Variants in IDE observed in about 807,000 individuals in gnomAD.
The protein encoded by IDE is insulin-degrading enzyme.
Under a neutral mutation model 133.2 loss-of-function variants are expected in IDE, and 58 were observed. The ratio of observed to expected loss-of-function variants is 0.44; its 90% CI spans 0.35 to 0.54. The LOEUF (loss-of-function observed/expected upper bound fraction) is 0.54, where lower values mean the gene tolerates loss of function less well. Ranked by LOEUF, IDE falls within the 20% of genes least tolerant of loss-of-function variation. IDE has a pLI of 0.00. For missense variants in IDE, 981 were observed against 1,234.0 expected, an observed-to-expected ratio of 0.79 and a Z score of 3.07; for synonymous variants, 396 against 421.3, an observed-to-expected ratio of 0.94 and a Z score of 0.73.
intron 17 of IDE, among the ~76,000 whole-genome samples, chr10:92,470,767 A>T (rs1030310774): frequency 6.6e-6 from 1 of 152,128 alleles, no homozygotes; most frequent in African/African-American, 2.4e-5. Context: ...TTTTCTCACA[A>T]TTAGATTTCA....
chr10:92,457,331 C>T (rs930867190), intron 22 of IDE, among the ~76,000 whole-genome samples: 1 of 152,204 alleles, frequency 6.6e-6, no homozygotes, highest in Non-Finnish European at 1.5e-5. Flanking sequence ...TCTCCTATGT[C>T]AGCTCACTTA....
chr10:92,489,667 G>A (rs902032331), intron 12 of IDE, among the ~76,000 whole-genome samples: 2 of 152,170 alleles, frequency 1.3e-5, no homozygotes, highest in Admixed American at 6.5e-5. Context: ...AGTTTAGAGA[G>A]ATGGACATTT....
chr10:92,465,913 T>C (rs1016586232), intron 19 of IDE, 70 bp from the exon 20 acceptor site: 2 of 1,256,370 alleles, frequency 1.6e-6, no homozygotes, highest in South Asian at 1.2e-5. Flanking sequence ...CAATGCTATG[T>C]CTGCCCACAC....
chr10:92,508,623 G>A (rs1848429428), intron 7 of IDE, 105 bp downstream of exon 7: 2 of 1,006,938 alleles, frequency 2.0e-6, no homozygotes, highest in African/African-American at 1.6e-5. Flanking sequence ...ACCCAAAATG[G>A]TCACATCTAA....
chr10:92,460,453 G>A (rs1357031824), intron 22 of IDE, among the ~76,000 whole-genome samples: 1 of 152,156 alleles, frequency 6.6e-6, no homozygotes, highest in Non-Finnish European at 1.5e-5. Flanking sequence ...AACTGAAAGG[G>A]TGCCTAAAAA....
intron 3 of IDE, 36 bp from the exon 4 acceptor site, chr10:92,531,953 G>A (rs376687445): frequency 2.1e-6 from 3 of 1,395,818 alleles, no homozygotes; most frequent in African/African-American, 1.5e-5. Context: ...CTTGAAAGAT[G>A]TCATTTTAAA....
chr10:92,510,836 A>G (rs181583828), intron 5 of IDE, among the ~76,000 whole-genome samples: 2 of 150,900 alleles, frequency 1.3e-5, no homozygotes, highest in East Asian at 1.9e-4. Context: ...TAGCACATAC[A>G]TATCACACAT....
chr10:92,492,224 C>T (rs1847397125), intron 11 of IDE, among the ~76,000 whole-genome samples: 1 of 151,000 alleles, frequency 6.6e-6, no homozygotes, highest in South Asian at 2.1e-4. Context: ...TGCACCACTA[C>T]ACTCCAGCCT....
chr10:92,465,557 T>C (rs1027697044), intron 20 of IDE, 119 bp downstream of exon 20: 2 of 825,990 alleles, frequency 2.4e-6, no homozygotes, highest in Admixed American at 2.4e-5. Context: ...TTTTCTCAAG[T>C]CTCTCTAAGT....
chr10:92,535,845 G>T (rs983817313), intron 2 of IDE, among the ~76,000 whole-genome samples: 1 of 152,116 alleles, frequency 6.6e-6, no homozygotes, highest in Admixed American at 6.5e-5. Flanking sequence ...AGATCAGCCT[G>T]GCCTACATGG....
intron 15 of IDE, among the ~76,000 whole-genome samples, chr10:92,477,281 T>A (rs1846317587): frequency 6.6e-6 from 1 of 151,836 alleles, no homozygotes; most frequent in Non-Finnish European, 1.5e-5. Context: ...GCCTCTGGAG[T>A]AGCTGGACTA....
chr10:92,473,011 C>T (rs907247880), intron 17 of IDE, among the ~76,000 whole-genome samples: 9 of 149,936 alleles, frequency 6.0e-5, no homozygotes, highest in South Asian at 2.1e-4. Flanking sequence ...GGCATTATCT[C>T]GGCTCACTGT....
intron 12 of IDE, 85 bp downstream of exon 12, chr10:92,490,408 C>G (rs1847272301): frequency 1.2e-6 from 1 of 829,390 alleles, no homozygotes; most frequent in Non-Finnish European, 2.1e-6. Context: ...CTTCCACACT[C>G]TGGGGCCTTA....
At chr10:92,573,550 CG>C (rs1474350350) in intron 1 of IDE, among the ~76,000 whole-genome samples, 1 of 152,248 alleles carries the variant, frequency 6.6e-6, no homozygotes, top group East Asian at 1.9e-4. Flanking sequence ...CTCAGGTTCC[CG>C]GCCCCCTCAC....
Position 92,531,913 on chromosome 10 carries a change from CA to C in IDE, c.495del (p.Phe165LeufsTer19), listed in dbSNP as rs913769938. 1 of 1,541,380 alleles carries C rather than the reference CA, an allele frequency of 6.5e-7. No individual in the cohort carries two copies. The highest frequency in any genetic ancestry group is 1.4e-5 in the African/African-American group (1 of 72,846). ...HEHLEGALDR[F>X]AQFFLCPLFD... ...AACAAGGGGCACAGAAAAAACTGTG[CA>C]AACCTAAGGGTACGAAACATAATTA... is the stretch of plus-strand genomic sequence containing the variant. On this transcript the variant is annotated frameshift_variant, in exon 4 of 25. Coordinates refer to ENST00000265986, the MANE Select transcript of IDE (RefSeq NM_004969.4). LOFTEE classifies it high-confidence loss of function.
intron 13 of IDE, among the ~76,000 whole-genome samples, chr10:92,484,119 A>C (rs939856740): frequency 6.6e-6 from 1 of 152,252 alleles, no homozygotes; most frequent in South Asian, 2.1e-4. Flanking sequence ...CCTCCTCAGA[A>C]ACTGTGTGAG....
chr10:92,524,370 A>ATATTTTATATAATATATAATATATAT (rs71028824), intron 4 of IDE, among the ~76,000 whole-genome samples: 2 of 42,292 alleles, frequency 4.7e-5, no homozygotes, highest in African/African-American at 2.2e-4. Flanking sequence ...ATATTATAAT[A>ATATTTTATATAATATATAATATATAT]TATATTATAT....
At chr10:92,485,680 C>T (rs1051547993) in intron 13 of IDE, among the ~76,000 whole-genome samples, 2 of 152,156 alleles carry the variant, frequency 1.3e-5, no homozygotes, top group African/African-American at 2.4e-5. Context: ...TGGTAGCTCA[C>T]ACCTATAATT....
At chr10:92,550,373 T>C (rs1842723063) in intron 1 of IDE, among the ~76,000 whole-genome samples, 1 of 152,048 alleles carries the variant, frequency 6.6e-6, no homozygotes, top group African/African-American at 2.4e-5. Context: ...GATATACAAA[T>C]GGCCAATAAG....
Sources: gnomAD v4.1 joint callset for allele counts (sites outside exome capture counted in the v4.1 genomes callset) on GRCh38, gnomAD v4.1.1 for gene constraint, MANE v1.5 for transcripts, NCBI Gene and HGNC (gene_info 2026-07-23, HGNC 2026-07-21) for gene names.